The following MZT2A variants were observed in gnomAD, a reference collection of about 807,000 sequenced individuals.
MZT2A encodes the protein mitotic-spindle organizing protein 2A.
Under a neutral mutation model 12.4 loss-of-function variants are expected in MZT2A, and 8 were observed. The observed-to-expected ratio is 0.64, with a 90% CI of 0.38 to 1.16. The LOEUF (loss-of-function observed/expected upper bound fraction) is 1.16. Ranked by LOEUF, MZT2A falls within the 50% of genes most tolerant of loss-of-function variation. The pLI is 0.01. For missense variants in MZT2A, 181 were observed against 223.6 expected (o/e 0.81, Z 1.22); for synonymous variants, 88 against 107.5 (o/e 0.82, Z 1.12).
rs766767704 is a variant in MZT2A, at chr2:131,492,323, C to T, written c.54G>A (p.Leu18=). ...GCGCCAGCTTCTGCCGGGCCGCCTC[C>T]AGCCCCGGGGGCGCCGCCGACCCCG... is the stretch of plus-strand genomic sequence containing the variant. The part of the protein sequence containing the change: ...PGPGSAAPPG[L]EAARQKLALR... The change falls in exon 1 of 3, where the codon CTG becomes CTA. Residue 18 remains leucine (L), a synonymous_variant. Transcript: ENST00000309451. 2 of 1,520,370 alleles carry T rather than the reference C, an allele frequency of 1.3e-6. No individual in the cohort carries two copies. The highest frequency in any genetic ancestry group is 1.8e-6 in the Non-Finnish European group (2 of 1,142,212). The allele number at this position is 1,520,370 out of a possible 1,614,324, so 94.2% of individuals were successfully genotyped here.
At chr2:131,493,288 G>C (rs1573882047), upstream of MZT2A, 1 of 1,328,168 alleles carries the variant, frequency 7.5e-7, no homozygotes, top group Non-Finnish European at 9.6e-7. Context: ...GGGGAGTGGA[G>C]GGCCCCGGCT....
chr2:131,492,771 G>A, upstream of MZT2A: 6 of 1,345,020 alleles, frequency 4.5e-6, no homozygotes, highest in Non-Finnish European at 5.8e-6. Flanking sequence ...CACCACTAGG[G>A]GTCGCTCTTC....
chr2:131,484,997 A>G (rs1483423722), intron 2 of MZT2A, among the ~76,000 whole-genome samples: 1 of 152,170 alleles, frequency 6.6e-6, no homozygotes, highest in Non-Finnish European at 1.5e-5. Context: ...AATGGGATGC[A>G]TTTCCCTGGG....
chr2:131,492,149 C>G lies in MZT2A; in HGVS notation c.170+58G>C, dbSNP rs895987413. ...TCCCGACCAGCGGGCCGGGCGTACC[C>G]GGAGAGCAGAGGTCGGGGGTGTCTG... On this transcript the variant is annotated intron_variant, in intron 1 of 2. Coordinates refer to ENST00000309451, the MANE Select transcript of MZT2A (RefSeq NM_001085365.2). The G allele has an allele frequency of 2.6e-6, 4 of 1,537,776 alleles. No individual in the cohort carries two copies. In the African/African-American group the frequency reaches 5.5e-5, roughly 21 times the overall value.
chr2:131,490,465 G>T (rs1219181624), intron 2 of MZT2A: 1 of 1,374,564 alleles, frequency 7.3e-7, no homozygotes. Flanking sequence ...CCACTAGTTC[G>T]CCTCTGGGGT....
intron 1 of MZT2A, 26 bp downstream of exon 1, chr2:131,492,181 A>T: frequency 6.5e-7 from 1 of 1,541,424 alleles, no homozygotes. Flanking sequence ...TCTGGCGAGC[A>T]TGCGGCCCCC....
chr2:131,477,143 C>T (rs576851994), intron 2 of MZT2A, among the ~76,000 whole-genome samples: 3 of 151,870 alleles, frequency 2.0e-5, no homozygotes, highest in African/African-American at 4.8e-5. Context: ...CTTCCAGCAG[C>T]CCTCCCACCT....
rs1375714696 is a variant in MZT2A, at chr2:131,475,018, T to A, written c.279-2836A>T. Among the ~76,000 whole-genome samples, 10 of 152,184 alleles carry A rather than the reference T, an allele frequency of 6.6e-5. 1 individual carries two copies. Among genetic ancestry groups the A allele is most frequent in the African/African-American group, 2.4e-4 (10 of 41,446 alleles). Reference sequence around the variant, plus strand: ...CTCTGTCGCCCAGGCTTGAGTGCAGTGGCGTGATCTCAGCTCACTGCAACC... The same window carrying A: ...CTCTGTCGCCCAGGCTTGAGTGCAGAGGCGTGATCTCAGCTCACTGCAACC... On this transcript the variant is annotated intron_variant and NMD_transcript_variant, in intron 2 of 4. Transcript: ENST00000427024.
chr2:131,484,102 C>A lies in MZT2A; in HGVS notation c.436G>T (p.Gly146Trp). The change falls in exon 3 of 3, where the codon GGG becomes TGG. Residue 146 changes from glycine to tryptophan, a missense_variant. Transcript: ENST00000309451. ...GTAGGGCTCTTCCCAGGCCCGCCCC[C>A]CTTGGGCAGCCTGGTAGCGCTGGGC... ...RQPSATRLPK[G>W]GGPGKSPTQG... 3 of 1,613,962 alleles carry A rather than the reference C, an allele frequency of 1.9e-6. No homozygotes were observed. The highest frequency in any genetic ancestry group is 1.1e-5 in the South Asian group (1 of 91,074).
chr2:131,474,924 C>A (rs1287425326), intron 2 of MZT2A, among the ~76,000 whole-genome samples: 1 of 152,030 alleles, frequency 6.6e-6, no homozygotes. Context: ...AGACAACTTG[C>A]ATCTCCAGGG....
chr2:131,493,118 G>T (rs1679418878), upstream of MZT2A: 1 of 1,487,096 alleles, frequency 6.7e-7, no homozygotes. Context: ...CCTCTGAAGC[G>T]GGCGACGCTA....
chr2:131,489,563 T>C (rs1215573875), intron 2 of MZT2A: 3 of 151,096 alleles, frequency 2.0e-5, no homozygotes, highest in Non-Finnish European at 2.9e-5. Context: ...AGAGATGGGG[T>C]TTCACCGTGT....
intron 2 of MZT2A, among the ~76,000 whole-genome samples, chr2:131,473,541 G>T (rs1678536852): frequency 6.6e-6 from 1 of 151,130 alleles, no homozygotes; most frequent in South Asian, 2.1e-4. Flanking sequence ...TGAGCTGGGG[G>T]TAAGCCAGCA....
intron 2 of MZT2A, among the ~76,000 whole-genome samples, chr2:131,474,968 A>T (rs1678607055): frequency 6.7e-6 from 1 of 149,412 alleles, no homozygotes; most frequent in Non-Finnish European, 1.5e-5. Flanking sequence ...AATAAACTCT[A>T]TTTTTTTTTC....
chr2:131,474,215 G>A (rs182381037), intron 2 of MZT2A, among the ~76,000 whole-genome samples: 4 of 144,998 alleles, frequency 2.8e-5, no homozygotes, highest in East Asian at 4.2e-4. Context: ...CTCCTGCCTC[G>A]GCATCCAGAG....
At chr2:131,483,407 A>G (rs28721291), downstream of MZT2A, among the ~76,000 whole-genome samples, 25,944 of 152,138 alleles carry the variant, frequency 0.17, 4,058 homozygotes, top group African/African-American at 0.41. Context: ...AGTGCTCCAC[A>G]GTAACCTGGA....
chr2:131,489,897 G>T, intron 2 of MZT2A: 1 of 975,062 alleles, frequency 1.0e-6, no homozygotes, highest in Non-Finnish European at 1.2e-6. Flanking sequence ...TGAGAGCTAG[G>T]CCTGGCACCC....
At chr2:131,483,743 A>G (rs534657060), downstream of MZT2A, among the ~76,000 whole-genome samples, 1 of 151,370 alleles carries the variant, frequency 6.6e-6, no homozygotes, top group East Asian at 1.9e-4. Context: ...CAAACAAAAA[A>G]CCTCCCACAT....
intron 1 of MZT2A, 47 bp downstream of exon 1, chr2:131,492,160 G>A: frequency 6.5e-7 from 1 of 1,535,832 alleles, no homozygotes; most frequent in Middle Eastern, 2.3e-4. Flanking sequence ...GGAGAGCAGA[G>A]GTCGGGGGTG....
Sources: gnomAD v4.1 joint callset for allele counts (sites outside exome capture counted in the v4.1 genomes callset) on GRCh38, gnomAD v4.1.1 for gene constraint, MANE v1.5 for transcripts, NCBI Gene and HGNC (gene_info 2026-07-23, HGNC 2026-07-21) for gene names.